Variants in ZNF404 observed in about 807,000 individuals in gnomAD.
The protein encoded by ZNF404 is zinc finger protein 404.
Under a neutral mutation model 7.3 loss-of-function variants are expected in ZNF404, and 7 were observed. The ratio of observed to expected loss-of-function variants is 0.95; its 90% CI spans 0.54 to 1.79. The LOEUF (loss-of-function observed/expected upper bound fraction) is 1.79, where lower values mean the gene tolerates loss of function less well. Ranked by LOEUF, ZNF404 falls within the 40% of genes most tolerant of loss-of-function variation. ZNF404 has a pLI of 0.00. For synonymous variants in ZNF404, 191 were observed against 209.9 expected, an observed-to-expected ratio of 0.91 and a Z score of 0.78; for missense variants, 560 against 661.5, an observed-to-expected ratio of 0.85 and a Z score of 1.68.
At chr19:43,883,344 G>A (rs1971912316) in intron 1 of ZNF404, among the ~76,000 whole-genome samples, 1 of 152,030 alleles carries the variant, frequency 6.6e-6, no homozygotes, top group South Asian at 2.1e-4. Flanking sequence ...ACACAGTAAT[G>A]CAGAATGATC....
rs988831326 is a variant in ZNF404, at chr19:43,872,632, A to G, written c.1582T>C (p.Cys528Arg). ...TAGCAATGACTAAAGGCCTTACCAC[A>G]TTCTTTGCATTTCTGTGGTTTCACA... ...TGVKPQKCKE[C>R]GKAFSHCYQL... The change falls in exon 3 of 3, where the codon TGT (cysteine) becomes CGT (arginine). Residue 528 changes from cysteine (C) to arginine (R), a missense_variant. Cys to Arg is a radical substitution (Grantham distance 180). Transcript: ENST00000587539. The surrounding 1 kb of genome is among the most constrained non-coding windows in gnomAD (Gnocchi z 4.4). The G allele has an allele frequency of 1.2e-6, 2 of 1,612,640 alleles. No individual in the cohort carries two copies. The highest frequency in any genetic ancestry group is 1.7e-6 in the Non-Finnish European group (2 of 1,179,260).
chr19:43,880,130 A>G lies in ZNF404; in HGVS notation c.16T>C (p.Leu6=), dbSNP rs376513790. ...TCTATGGCAACATCGCTGAATGTCA[A>G]TGGCACCTGAAATGACAAACCTGTG... is the stretch of plus-strand genomic sequence containing the variant. MARVP[L]TFSDVAIDFS... The change falls in exon 2 of 3, where the codon TTG becomes CTG. Residue 6 remains leucine (L), a synonymous_variant. Coordinates refer to ENST00000587539, the MANE Select transcript of ZNF404 (RefSeq NM_001033719.3). The G allele has an allele frequency of 2.1e-5, 34 of 1,610,604 alleles. No individual in the cohort carries two copies. The highest frequency in any genetic ancestry group is 8.0e-5 in the African/African-American group (6 of 74,874).
At position 43,872,742 on chromosome 19, in the gene ZNF404, C is replaced by A. The variant is rs540384444; in HGVS notation, c.1472G>T (p.Gly491Val). Residue 491 changes from glycine (G) to valine (V), a missense_variant, in exon 3 of 3, where the codon GGT becomes GTT. Physicochemically the swap from Gly to Val is moderately radical, Grantham distance 109 (BLOSUM62 -3). Coordinates refer to ENST00000587539, the MANE Select transcript of ZNF404 (RefSeq NM_001033719.3). The surrounding 1 kb of genome is among the most constrained non-coding windows in gnomAD (Gnocchi z 4.4). ...TTCTTTACATTCATAGGGTTTTTCA[C>A]CAGTATGAATTCTCTTATGTTGAGA... is the stretch of plus-strand genomic sequence containing the variant. ...GLSQHKRIHT[G>V]EKPYECKECD... The A allele has an allele frequency of 4.6e-4, 740 of 1,613,084 alleles. 11 individuals are homozygous for A. The South Asian group carries it at 7.8e-3, about 17-fold the overall frequency.
intron 2 of ZNF404, among the ~76,000 whole-genome samples, chr19:43,878,794 G>A (rs535994507): frequency 1.7e-4 from 26 of 152,258 alleles, no homozygotes; most frequent in African/African-American, 4.8e-4. Context: ...AAAGAACAGC[G>A]TTTACAAAGA....
At chr19:43,876,424 T>C (rs926321985) in intron 2 of ZNF404, among the ~76,000 whole-genome samples, 2 of 151,794 alleles carry the variant, frequency 1.3e-5, no homozygotes, top group Non-Finnish European at 2.9e-5. Flanking sequence ...AACAGTAGAA[T>C]TAACACATAC....
intron 2 of ZNF404, among the ~76,000 whole-genome samples, chr19:43,877,418 C>G (rs1971857462): frequency 6.6e-6 from 1 of 152,094 alleles, no homozygotes; most frequent in Admixed American, 6.6e-5. Flanking sequence ...GGAGAAATAG[C>G]TAATTCCTAG....
At chr19:43,879,187 C>A (rs1341031362) in intron 2 of ZNF404, among the ~76,000 whole-genome samples, 1 of 151,920 alleles carries the variant, frequency 6.6e-6, no homozygotes, top group African/African-American at 2.4e-5. Context: ...AAGATTTCAA[C>A]AAGTATTTGG....
intron 1 of ZNF404, among the ~76,000 whole-genome samples, chr19:43,883,462 C>G (rs982187662): frequency 6.6e-6 from 1 of 152,160 alleles, no homozygotes; most frequent in Non-Finnish European, 1.5e-5. Flanking sequence ...TCCCTAATCT[C>G]TCTCTAGGTA....
rs572977725 is a variant in ZNF404, at chr19:43,873,357, A to G, written c.857T>C (p.Leu286Pro). 102 of 1,613,240 alleles carry G rather than the reference A, an allele frequency of 6.3e-5. 2 individuals are homozygous for G. In the South Asian group the frequency reaches 9.7e-4, roughly 15 times the overall value. The change falls in exon 3 of 3, where the codon CTT becomes CCT. Residue 286 changes from leucine to proline, a missense_variant. By Grantham distance (98) the Leu-to-Pro change is moderately conservative. Transcript: ENST00000587539. ...AGAATGAATTTTCTTATGTTGGTAAAGACTTGAACGATGACCAAAAGCCTT... is the reference window on the plus strand; with the variant it reads ...AGAATGAATTTTCTTATGTTGGTAAGGACTTGAACGATGACCAAAAGCCTT... Reference protein sequence around the residue: ...CGKAFGHRSSLYQHKKIHSGE... With the variant: ...CGKAFGHRSSPYQHKKIHSGE...
At chr19:43,879,442 G>T (rs1332597484) in intron 2 of ZNF404, among the ~76,000 whole-genome samples, 6 of 152,170 alleles carry the variant, frequency 3.9e-5, no homozygotes, top group Non-Finnish European at 7.3e-5. Context: ...TGGGAGGAGA[G>T]AATGGTCACC....
intron 1 of ZNF404, among the ~76,000 whole-genome samples, chr19:43,880,358 A>G (rs1228062891): frequency 1.3e-5 from 2 of 152,232 alleles, no homozygotes; most frequent in Admixed American, 1.3e-4. Context: ...TAGTAATATT[A>G]GAGAAAAATC....
Position 43,880,101 on chromosome 19 carries a change from G to T in ZNF404, c.45C>A (p.Phe15Leu), listed in dbSNP as rs1568437331. ...PLTFSDVAID[F>L]SQEEWEYLNS... ...TTAAATATTCCCACTCCTCCTGAGA[G>T]AAGTCTATGGCAACATCGCTGAATG... Residue 15 changes from phenylalanine to leucine, a missense_variant, in exon 2 of 3, where the codon TTC becomes TTA. By Grantham distance (22) the Phe-to-Leu change is conservative. Transcript: ENST00000587539. 6.2e-7 allele frequency: 1 copy of T among 1,613,408 alleles called. No homozygotes were observed. The highest frequency in any genetic ancestry group is 1.1e-5 in the South Asian group (1 of 91,034).
In ZNF404 at chr19:43,872,936, A is replaced by C. The variant is rs139452928; in HGVS notation, c.1278T>G (p.Leu426=). ...CAGCATGAATTGATTGATGTGTCTT[A>C]AGGTCTCCAACACGACTGAAGGCTT... The part of the protein sequence containing the change: ...CGKAFSRVGD[L]KTHQSIHAGE... The change falls in exon 3 of 3, where the codon CTT becomes CTG. Residue 426 remains leucine, a synonymous_variant. Coordinates refer to ENST00000587539, the MANE Select transcript of ZNF404 (RefSeq NM_001033719.3). This position sits in a 1 kb window ranked among gnomAD's most constrained non-coding sequence, Gnocchi z 4.4. 3.7e-6 allele frequency: 6 copies of C among 1,607,704 alleles called. No individual in the cohort carries two copies. The African/African-American group carries it at 8.0e-5, about 21-fold the overall frequency.
At chr19:43,883,136 C>G (rs1246174392) in intron 1 of ZNF404, among the ~76,000 whole-genome samples, 1 of 151,944 alleles carries the variant, frequency 6.6e-6, no homozygotes, top group Non-Finnish European at 1.5e-5. Flanking sequence ...CAAGCACCCT[C>G]TTATTAGATT....
chr19:43,876,530 G>A (rs1568436648), intron 2 of ZNF404, among the ~76,000 whole-genome samples: 2 of 151,844 alleles, frequency 1.3e-5, no homozygotes, highest in Non-Finnish European at 1.5e-5. Flanking sequence ...AAGAAATAAA[G>A]AATGTTAAAA....
intron 2 of ZNF404, 127 bp downstream of exon 2, chr19:43,879,883 C>T (rs1971881667): frequency 6.6e-6 from 8 of 1,215,626 alleles, no homozygotes; most frequent in Non-Finnish European, 9.4e-6. Flanking sequence ...CCATTTCCAC[C>T]TAACAAACTT....
rs2146617275 is a variant in ZNF404, at chr19:43,873,842, A to G, written c.372T>C (p.Asn124=). 6.2e-7 allele frequency: 1 copy of G among 1,609,556 alleles called. No individual in the cohort carries two copies. Among genetic ancestry groups the G allele is most frequent in the Non-Finnish European group, 8.5e-7 (1 of 1,179,484 alleles). ...ACTCATATGATTTCTCTCTTGTGTT[A>G]TTTCTCTTATGTAGAGGAAGGGATT... is the stretch of plus-strand genomic sequence containing the variant. ...KHKSLPLHKR[N]NTREKSYECK... is the part of the protein sequence containing the mutation. The change falls in exon 3 of 3, where the codon AAT becomes AAC. Residue 124 remains asparagine (N), a synonymous_variant. Coordinates refer to ENST00000587539, the MANE Select transcript of ZNF404 (RefSeq NM_001033719.3).
intron 2 of ZNF404, 28 bp downstream of exon 2, chr19:43,879,982 G>T: frequency 6.2e-7 from 1 of 1,611,830 alleles, no homozygotes; most frequent in Non-Finnish European, 8.5e-7. Flanking sequence ...AGAGCATATT[G>T]TACATCATTT....
chr19:43,875,857 A>C (rs900197171), intron 2 of ZNF404, among the ~76,000 whole-genome samples: 2 of 152,216 alleles, frequency 1.3e-5, no homozygotes, highest in Non-Finnish European at 2.9e-5. Context: ...GTCAAAGACA[A>C]AATACAAACT....
Sources: allele counts gnomAD v4.1 joint callset (sites outside exome capture counted in the v4.1 genomes callset), GRCh38; gene constraint gnomAD v4.1.1; non-coding constraint Gnocchi (gnomAD v3.1); transcripts MANE v1.5; gene names NCBI Gene and HGNC (gene_info 2026-07-23, HGNC 2026-07-21).